TRAPPC9: variants seen among roughly 807,000 people sequenced by gnomAD.
TRAPPC9 encodes trafficking protein particle complex subunit 9, also known as IKK2 binding protein.
Under a neutral mutation model 124.0 loss-of-function variants are expected in TRAPPC9, and 83 were observed. The ratio of observed to expected loss-of-function variants is 0.67; its 90% CI spans 0.56 to 0.80. TRAPPC9 has a LOEUF of 0.80. TRAPPC9 is among the 30% of genes least tolerant of loss of function. The probability of loss-of-function intolerance (pLI) is 0.00; values close to 1 mark genes in which losing one functional copy is unlikely to be tolerated. For synonymous variants in TRAPPC9, 638 were observed against 617.5 expected, an observed-to-expected ratio of 1.03 and a Z score of -0.49; for missense variants, 1,302 against 1,508.3, an observed-to-expected ratio of 0.86 and a Z score of 2.27.
chr8:140,007,461 T>C lies in TRAPPC9; in HGVS notation c.2699+16476A>G, dbSNP rs574801511. On this transcript the variant is annotated intron_variant, in intron 18 of 22. Coordinates refer to ENST00000438773, the MANE Select transcript of TRAPPC9 (RefSeq NM_001160372.4). ...ATCCAAATTCACAAGAAATTATTTG[T>C]AGAAAAGTACTTGCAAATAACAACC... 2.6e-5 allele frequency among the ~76,000 whole-genome samples: 4 copies of C among 152,366 alleles called. No individual in the cohort carries two copies. The East Asian group carries it at 5.8e-4, about 22-fold the overall frequency.
chr8:140,227,255 T>C (rs961901277), intron 16 of TRAPPC9, among the ~76,000 whole-genome samples: 4 of 151,316 alleles, frequency 2.6e-5, no homozygotes, highest in Admixed American at 6.6e-5. Context: ...TGGGGTGGGG[T>C]GGAGGGGAGA....
intron 17 of TRAPPC9, among the ~76,000 whole-genome samples, chr8:140,133,409 C>A (rs1229565737): frequency 6.6e-6 from 1 of 152,118 alleles, no homozygotes; most frequent in Non-Finnish European, 1.5e-5. Flanking sequence ...CAGAAGGGAA[C>A]TCCTCAACAT....
Position 140,451,214 on chromosome 8 carries a change from A to G in TRAPPC9, c.160T>C (p.Tyr54His). 6.2e-7 allele frequency: 1 copy of G among 1,614,122 alleles called. No individual in the cohort carries two copies. Among genetic ancestry groups the G allele is most frequent in the South Asian group, 1.1e-5 (1 of 91,082 alleles). ...ISVRDSQRVL[Y>H]IRYRHHYPPE... is the part of the protein sequence containing the mutation. ...GGGTAGTGGTGCCTGTAGCGGATGT[A>G]GAGGACTCGCTGGGAGTCCCGCACG... is the stretch of plus-strand genomic sequence containing the variant. The change falls in exon 2 of 23, where the codon TAC becomes CAC. Residue 54 changes from tyrosine (Y) to histidine (H), a missense_variant. Physicochemically the swap from Tyr to His is moderately conservative, Grantham distance 83. Transcript: ENST00000438773.
chr8:139,883,030 A>G (rs931876126), intron 21 of TRAPPC9, among the ~76,000 whole-genome samples: 2 of 152,176 alleles, frequency 1.3e-5, no homozygotes, highest in African/African-American at 4.8e-5. Flanking sequence ...CAGTGTTGGG[A>G]GCTGGAGCCT....
At chr8:139,798,406 A>G (rs1823250091) in intron 21 of TRAPPC9, among the ~76,000 whole-genome samples, 2 of 152,256 alleles carry the variant, frequency 1.3e-5, no homozygotes, top group South Asian at 2.1e-4. Flanking sequence ...ATACTACTTT[A>G]GCACCCTAAA....
Position 139,753,069 on chromosome 8 carries a change from C to T in TRAPPC9, c.3056-20867G>A, listed in dbSNP as rs111206287. The stretch of plus-strand genomic sequence containing the variant: ...CTACCCATCCATCCACCCACCCACC[C>T]ATCTATCCATCCATCCATCCATCCA... On this transcript the variant is annotated intron_variant, in intron 21 of 22. Transcript: ENST00000438773. 1.1e-3 allele frequency among the ~76,000 whole-genome samples: 140 copies of T among 125,478 alleles called. 2 individuals carry two copies. Among genetic ancestry groups the T allele is most frequent in the African/African-American group, 5.1e-3 (131 of 25,660 alleles). 82.3% of individuals were successfully genotyped at this position (125,478 alleles called of 152,430 possible). A position where few individuals can be genotyped will look rare whatever the true frequency, so the allele number is the denominator to read the frequency against.
chr8:139,858,783 C>G (rs944725030), intron 21 of TRAPPC9, among the ~76,000 whole-genome samples: 30 of 151,866 alleles, frequency 2.0e-4, no homozygotes, highest in African/African-American at 6.3e-4. Context: ...TTGCCGAGGC[C>G]AGAGCCGACA....
intron 11 of TRAPPC9, among the ~76,000 whole-genome samples, chr8:140,294,054 A>T (rs948227798): frequency 6.6e-6 from 1 of 152,104 alleles, no homozygotes; most frequent in African/African-American, 2.4e-5. Context: ...CCCACCTGAC[A>T]GGCTGGCCCG....
chr8:139,846,497 G>A (rs1167436516), intron 21 of TRAPPC9, among the ~76,000 whole-genome samples: 1 of 152,214 alleles, frequency 6.6e-6, no homozygotes, highest in African/African-American at 2.4e-5. Context: ...AGGGGAGGCA[G>A]TGAATACATT....
intron 5 of TRAPPC9, among the ~76,000 whole-genome samples, chr8:140,424,398 T>C (rs866143235): frequency 2.0e-5 from 3 of 151,242 alleles, no homozygotes; most frequent in Non-Finnish European, 4.4e-5. Flanking sequence ...GTAATCACTT[T>C]GGGAGGCAAA....
chr8:140,160,973 T>C (rs1223479643), intron 17 of TRAPPC9, among the ~76,000 whole-genome samples: 1 of 152,308 alleles, frequency 6.6e-6, no homozygotes, highest in East Asian at 1.9e-4. Flanking sequence ...AGTGCTTAAA[T>C]TAACCGCCTG....
At chr8:140,033,476 C>T (rs1840629269) in intron 17 of TRAPPC9, among the ~76,000 whole-genome samples, 2 of 151,406 alleles carry the variant, frequency 1.3e-5, no homozygotes, top group South Asian at 4.2e-4. Flanking sequence ...TCTTTGTAGT[C>T]TTGGGATAGG....
intron 6 of TRAPPC9, among the ~76,000 whole-genome samples, chr8:140,398,043 T>C (rs750565159): frequency 4.1e-4 from 63 of 152,228 alleles, no homozygotes; most frequent in Middle Eastern, 3.2e-3. Context: ...CTGATGGTTT[T>C]ATCAGGGGTT....
intron 17 of TRAPPC9, among the ~76,000 whole-genome samples, chr8:140,158,740 C>T (rs1196221210): frequency 6.6e-6 from 1 of 152,222 alleles, no homozygotes; most frequent in Non-Finnish European, 1.5e-5. Flanking sequence ...CACCCAGACT[C>T]CCCTGCTGTG....
intron 9 of TRAPPC9, among the ~76,000 whole-genome samples, chr8:140,338,667 AG>A: frequency 6.6e-6 from 1 of 152,376 alleles, no homozygotes; most frequent in African/African-American, 2.4e-5. Context: ...ACAGGCACAG[AG>A]GAAAGACCAT....
At chr8:139,959,467 C>T (rs775743287) in intron 19 of TRAPPC9, among the ~76,000 whole-genome samples, 57 of 152,168 alleles carry the variant, frequency 3.7e-4, no homozygotes, top group Non-Finnish European at 7.6e-4. Flanking sequence ...AGTTGCTTCT[C>T]GCCCCACAGC....
At chr8:140,448,931 C>G (rs1346312052) in intron 2 of TRAPPC9, among the ~76,000 whole-genome samples, 2 of 142,982 alleles carry the variant, frequency 1.4e-5, no homozygotes, top group African/African-American at 2.6e-5. Context: ...GCACAGCAAC[C>G]CCGTGTAGAT....
intron 21 of TRAPPC9, among the ~76,000 whole-genome samples, chr8:139,835,367 C>T (rs760577623): frequency 6.6e-5 from 10 of 152,248 alleles, no homozygotes; most frequent in African/African-American, 1.9e-4. Flanking sequence ...GCAGGTCCTC[C>T]GGGGCTCCGC....
chr8:140,377,505 G>T (rs2068478208), intron 7 of TRAPPC9, among the ~76,000 whole-genome samples: 1 of 152,050 alleles, frequency 6.6e-6, no homozygotes, highest in Non-Finnish European at 1.5e-5. Context: ...CGTCATGTTG[G>T]CCAAGCTGGT....
Sources: gnomAD v4.1 joint callset for allele counts (sites outside exome capture counted in the v4.1 genomes callset) on GRCh38, gnomAD v4.1.1 for gene constraint, MANE v1.5 for transcripts, NCBI Gene and HGNC (gene_info 2026-07-23, HGNC 2026-07-21) for gene names.